KSR1: variants seen among roughly 807,000 people sequenced by gnomAD.
KSR1 encodes kinase suppressor of ras.
In KSR1, 35 loss-of-function variants were observed where a neutral mutation model predicts 92.9. That is an observed-to-expected ratio of 0.38 (90% CI 0.29 to 0.50). The LOEUF is 0.50. Ranked by LOEUF, KSR1 falls within the 20% of genes least tolerant of loss-of-function variation. The pLI is 0.94. For synonymous variants in KSR1, 467 were observed against 472.6 expected (o/e 0.99, Z 0.15); for missense variants, 972 against 1,158.5 (o/e 0.84, Z 2.34).
At chr17:27,544,036 T>C (rs1466461450) in intron 1 of KSR1, among the ~76,000 whole-genome samples, 2 of 152,232 alleles carry the variant, frequency 1.3e-5, no homozygotes, top group Non-Finnish European at 2.9e-5. Context: ...CCACGTCCGC[T>C]GCCGCCGCAA....
chr17:27,606,709 G>A (rs937377339), intron 14 of KSR1, among the ~76,000 whole-genome samples: 1 of 151,826 alleles, frequency 6.6e-6, no homozygotes, highest in African/African-American at 2.4e-5. Context: ...CTCCTGGAGT[G>A]GAGTAGAGTT....
At chr17:27,479,005 T>A (rs1567748168) in intron 1 of KSR1, among the ~76,000 whole-genome samples, 3 of 149,768 alleles carry the variant, frequency 2.0e-5, no homozygotes, top group Non-Finnish European at 4.4e-5. Flanking sequence ...TGCTCCTCTC[T>A]CCCTCTGTGC....
chr17:27,577,437 C>A lies in KSR1; in HGVS notation c.373-55C>A. On this transcript the variant is annotated intron_variant, in intron 2 of 20. Transcript: ENST00000644974. The surrounding 1 kb of genome is among the most constrained non-coding windows in gnomAD (Gnocchi z 4.5). ...AGGAGGCCAGCCTGAGGCTGAGGGG[C>A]TCCCGGCCCAGCCGACTGCTCACCG... The A allele has an allele frequency of 8.7e-7, 1 of 1,153,492 alleles. No homozygotes were observed. The highest frequency in any genetic ancestry group is 1.2e-6 in the Non-Finnish European group (1 of 804,450). The allele number at this position is 1,153,492 out of a possible 1,614,324, so 71.5% of individuals were successfully genotyped here. A position where few individuals can be genotyped will look rare whatever the true frequency, so the allele number is the denominator to read the frequency against.
At chr17:27,589,667 A>G (rs2073096181) in intron 6 of KSR1, among the ~76,000 whole-genome samples, 1 of 152,158 alleles carries the variant, frequency 6.6e-6, no homozygotes, top group African/African-American at 2.4e-5. Flanking sequence ...AATATGAGTT[A>G]TTTCTGCTCT....
chr17:27,579,449 G>A (rs1055274499), intron 3 of KSR1: 2 of 152,228 alleles, frequency 1.3e-5, no homozygotes, highest in African/African-American at 4.8e-5. Context: ...CAGGGTTGTT[G>A]TGAAAAGGAA....
intron 11 of KSR1, among the ~76,000 whole-genome samples, chr17:27,601,681 T>C (rs958969074): frequency 2.6e-5 from 4 of 152,228 alleles, no homozygotes; most frequent in African/African-American, 9.6e-5. Flanking sequence ...AAGGTCACAC[T>C]GCTAGGAGAT....
intron 2 of KSR1, among the ~76,000 whole-genome samples, chr17:27,552,993 G>C (rs962431847): frequency 1.1e-4 from 16 of 152,146 alleles, no homozygotes; most frequent in African/African-American, 3.4e-4. Context: ...AACTCACCAG[G>C]GTCCTAGAGC....
intron 3 of KSR1, among the ~76,000 whole-genome samples, chr17:27,581,429 A>G (rs2072750518): frequency 6.6e-6 from 1 of 151,828 alleles, no homozygotes; most frequent in South Asian, 2.1e-4. Context: ...GCCTCTCCCC[A>G]GCTTGTCCTT....
chr17:27,473,750 C>G (rs985600355), intron 1 of KSR1, among the ~76,000 whole-genome samples: 3 of 152,108 alleles, frequency 2.0e-5, no homozygotes, highest in Non-Finnish European at 4.4e-5. Context: ...GTGGCCATGA[C>G]TCACCGTGGC....
intron 11 of KSR1, 78 bp downstream of exon 11, chr17:27,601,479 C>G: frequency 8.3e-7 from 1 of 1,209,948 alleles, no homozygotes; most frequent in Non-Finnish European, 1.2e-6. Flanking sequence ...AGGGCGCCCT[C>G]TCTCTGGGTA....
At chr17:27,571,766 G>A (rs1490134000) in intron 2 of KSR1, among the ~76,000 whole-genome samples, 2 of 152,224 alleles carry the variant, frequency 1.3e-5, no homozygotes, top group South Asian at 4.1e-4. Flanking sequence ...GCTTTCACCC[G>A]TGTTCTTGCG....
intron 1 of KSR1, among the ~76,000 whole-genome samples, chr17:27,488,242 A>G (rs1031295253): frequency 1.4e-4 from 21 of 152,262 alleles, no homozygotes; most frequent in African/African-American, 4.6e-4. Flanking sequence ...ACTCAGGTTA[A>G]GAAGTGAAAT....
intron 1 of KSR1, among the ~76,000 whole-genome samples, chr17:27,487,427 C>T (rs2068698871): frequency 6.6e-6 from 1 of 151,978 alleles, no homozygotes; most frequent in African/African-American, 2.4e-5. Context: ...AGGAGCGAGA[C>T]TCCATCTCCA....
chr17:27,480,091 G>T (rs1259460545), intron 1 of KSR1, among the ~76,000 whole-genome samples: 2 of 152,100 alleles, frequency 1.3e-5, no homozygotes, highest in Admixed American at 1.3e-4. Flanking sequence ...ATTCCACTTG[G>T]GGCAAAAGCC....
intron 1 of KSR1, among the ~76,000 whole-genome samples, chr17:27,464,422 A>G (rs1202940669): frequency 2.0e-5 from 3 of 152,052 alleles, no homozygotes; most frequent in Admixed American, 6.5e-5. Flanking sequence ...CTTAACTTTT[A>G]TGGGGCCTTG....
intron 1 of KSR1, among the ~76,000 whole-genome samples, chr17:27,487,577 C>T (rs1390245891): frequency 7.5e-6 from 1 of 132,824 alleles, no homozygotes; most frequent in African/African-American, 2.6e-5. Context: ...GGTGAAACCC[C>T]ATCTCTTTTA....
intron 12 of KSR1, among the ~76,000 whole-genome samples, 186 bp from the exon 13 acceptor site, chr17:27,604,494 C>T (rs1164248173): frequency 6.6e-6 from 1 of 152,210 alleles, no homozygotes; most frequent in African/African-American, 2.4e-5. Flanking sequence ...AAGGCTGAGG[C>T]TGCACAAGGG....
chr17:27,518,687 A>G (rs555494102), intron 1 of KSR1, among the ~76,000 whole-genome samples: 25 of 152,324 alleles, frequency 1.6e-4, no homozygotes, highest in Middle Eastern at 3.4e-3. Context: ...AGGAGCAAGC[A>G]CTGTGTTGGC....
chr17:27,595,621 C>G (rs565181383), intron 9 of KSR1, among the ~76,000 whole-genome samples: 1 of 129,642 alleles, frequency 7.7e-6, no homozygotes, highest in Non-Finnish European at 1.6e-5. Flanking sequence ...CCCTGCCCCC[C>G]ACTTTCTCCC....
Sources: allele counts gnomAD v4.1 joint callset (sites outside exome capture counted in the v4.1 genomes callset), GRCh38; gene constraint gnomAD v4.1.1; non-coding constraint Gnocchi (gnomAD v3.1); transcripts MANE v1.5; gene names NCBI Gene and HGNC (gene_info 2026-07-23, HGNC 2026-07-21).